Variants in NTRK3 observed in about 807,000 individuals in gnomAD.
The protein encoded by NTRK3 is neurotrophic receptor tyrosine kinase 3.
NTRK3 carries 24 observed loss-of-function variants against 91.7 expected under a neutral mutation model. That is an observed-to-expected ratio of 0.26 (90% CI 0.19 to 0.37). The LOEUF (loss-of-function observed/expected upper bound fraction) is 0.37. Among genes scored for constraint, NTRK3 ranks in the 10% least tolerant of loss-of-function variants. NTRK3 has a pLI of 1.00. For synonymous variants in NTRK3, 483 were observed against 404.0 expected, an observed-to-expected ratio of 1.20 and a Z score of -2.34; for missense variants, 880 against 1,068.9, an observed-to-expected ratio of 0.82 and a Z score of 2.46.
intron 14 of NTRK3, among the ~76,000 whole-genome samples, chr15:87,948,662 T>C (rs1265720410): frequency 6.6e-6 from 1 of 152,158 alleles, no homozygotes; most frequent in Non-Finnish European, 1.5e-5. Context: ...CACTCCAGCC[T>C]GGGCGACAGA....
At chr15:87,911,378 A>G (rs907500864) in intron 17 of NTRK3, among the ~76,000 whole-genome samples, 1 of 152,236 alleles carries the variant, frequency 6.6e-6, no homozygotes, top group Non-Finnish European at 1.5e-5. Flanking sequence ...GGATCTCAGA[A>G]TTAGAGAAAA....
chr15:87,929,589 T>C (rs935872231), intron 16 of NTRK3, among the ~76,000 whole-genome samples, 155 bp from the exon 17 acceptor site: 3 of 152,144 alleles, frequency 2.0e-5, no homozygotes, highest in Non-Finnish European at 4.4e-5. Flanking sequence ...TGCCCCAAAT[T>C]AGATTATGTA....
chr15:88,234,892 G>A lies in NTRK3; in HGVS notation c.248+21014C>T, dbSNP rs1185837904. 2.0e-5 allele frequency among the ~76,000 whole-genome samples: 3 copies of A among 151,916 alleles called. No individual in the cohort carries two copies. Among genetic ancestry groups the A allele is most frequent in the African/African-American group, 7.3e-5 (3 of 41,356 alleles). ...CACCCTACTCAGCCCTGCTCCCAGG[G>A]CCTCCTATCCAGCCCCCGACACACT... On this transcript the variant is annotated intron_variant, in intron 3 of 18. Coordinates refer to ENST00000394480, the Ensembl canonical transcript of NTRK3. The surrounding 1 kb of genome is among the most constrained non-coding windows in gnomAD (Gnocchi z 6.1).
chr15:87,963,200 G>A (rs964997014), intron 14 of NTRK3, among the ~76,000 whole-genome samples: 2 of 152,158 alleles, frequency 1.3e-5, no homozygotes, highest in Non-Finnish European at 2.9e-5. Context: ...GCAATGCAGT[G>A]ACAGACATAC....
intron 14 of NTRK3, among the ~76,000 whole-genome samples, chr15:87,951,848 C>A (rs547975550): frequency 1.3e-5 from 2 of 152,142 alleles, no homozygotes; most frequent in Admixed American, 6.5e-5. Context: ...AAGACTTGGC[C>A]GGGTGTGGTG....
intron 17 of NTRK3, among the ~76,000 whole-genome samples, chr15:87,894,452 G>T (rs903187623): frequency 1.3e-5 from 2 of 152,182 alleles, no homozygotes; most frequent in African/African-American, 4.8e-5. Context: ...CATGTGCATC[G>T]TGTGTACAGT....
At chr15:88,003,011 G>A (rs748280791) in intron 14 of NTRK3, among the ~76,000 whole-genome samples, 14 of 152,210 alleles carry the variant, frequency 9.2e-5, no homozygotes, top group South Asian at 4.1e-4. Context: ...CAAAGGCAGC[G>A]TGCCAGCACA....
At chr15:87,917,580 C>T (rs1435313367) in intron 17 of NTRK3, among the ~76,000 whole-genome samples, 1 of 152,206 alleles carries the variant, frequency 6.6e-6, no homozygotes, top group African/African-American at 2.4e-5. Flanking sequence ...TTGTCACCTC[C>T]AAATCTCATG....
chr15:88,225,879 G>C (rs1040753649), intron 3 of NTRK3, among the ~76,000 whole-genome samples: 3 of 152,192 alleles, frequency 2.0e-5, no homozygotes, highest in African/African-American at 7.2e-5. Flanking sequence ...CCGATAGGCT[G>C]CAGTCAGCAG....
intron 3 of NTRK3, among the ~76,000 whole-genome samples, chr15:88,249,152 G>A (rs1023972802): frequency 1.3e-5 from 2 of 152,116 alleles, no homozygotes; most frequent in Admixed American, 6.5e-5. Flanking sequence ...ACTTATGATG[G>A]GACAAGCCAG....
chr15:88,045,896 C>T lies in NTRK3; in HGVS notation c.1397-12851G>A, dbSNP rs950475794. On this transcript the variant is annotated intron_variant, in intron 13 of 18. Transcript: ENST00000394480. The stretch of plus-strand genomic sequence containing the variant: ...GCCCTCAGTCAAATTAGATCAAGGG[C>T]GCACTCTATTCCTGTATCACTTCAT... Among the ~76,000 whole-genome samples the T allele has an allele frequency of 2.6e-5, 4 of 152,188 alleles. No homozygotes were observed. In the South Asian group the frequency reaches 6.2e-4, roughly 24 times the overall value.
chr15:87,945,851 AC>A (rs1209164234), intron 14 of NTRK3, among the ~76,000 whole-genome samples: 1 of 150,708 alleles, frequency 6.6e-6, no homozygotes. Context: ...TGAAATCCTG[AC>A]CCTCTTACTT....
intron 13 of NTRK3, among the ~76,000 whole-genome samples, chr15:88,061,395 C>T (rs1179550805): frequency 1.3e-5 from 2 of 152,240 alleles, no homozygotes; most frequent in African/African-American, 4.8e-5. Flanking sequence ...CCCCAGTGGT[C>T]AGAAGGGACA....
chr15:88,054,482 T>C (rs1014148075), intron 13 of NTRK3, among the ~76,000 whole-genome samples: 2 of 152,200 alleles, frequency 1.3e-5, no homozygotes, highest in African/African-American at 4.8e-5. Flanking sequence ...CAGGCTCCTT[T>C]ATAGTAGAGA....
At chr15:88,067,230 AT>A (rs984421267) in intron 13 of NTRK3, among the ~76,000 whole-genome samples, 6 of 151,520 alleles carry the variant, frequency 4.0e-5, no homozygotes, top group Non-Finnish European at 7.4e-5. Flanking sequence ...CCCACACGCC[AT>A]TTTTTTTCAC....
chr15:88,073,837 A>C (rs1456816278), intron 13 of NTRK3, among the ~76,000 whole-genome samples: 19 of 149,862 alleles, frequency 1.3e-4, no homozygotes, highest in Admixed American at 1.3e-3. Context: ...ATGGCAAGAC[A>C]GGGGTGTTCA....
At chr15:88,224,247 C>T (rs754609548) in intron 3 of NTRK3, among the ~76,000 whole-genome samples, 5 of 152,190 alleles carry the variant, frequency 3.3e-5, no homozygotes, top group Admixed American at 6.5e-5. Context: ...CAGCCCTGCA[C>T]CAGGCACCAG....
intron 13 of NTRK3, among the ~76,000 whole-genome samples, chr15:88,115,727 A>T (rs1260128116): frequency 2.6e-5 from 4 of 152,112 alleles, no homozygotes; most frequent in Admixed American, 6.5e-5. Flanking sequence ...AGGGCAGGGC[A>T]GGCTTTCAGT....
At chr15:88,089,706 G>C (rs1314754006) in intron 13 of NTRK3, among the ~76,000 whole-genome samples, 2 of 152,144 alleles carry the variant, frequency 1.3e-5, no homozygotes, top group African/African-American at 4.8e-5. Context: ...GTACTCTTGA[G>C]CAGGGCACAA....
Sources: gnomAD v4.1 joint callset for allele counts (sites outside exome capture counted in the v4.1 genomes callset) on GRCh38, gnomAD v4.1.1 for gene constraint, Gnocchi (gnomAD v3.1) non-coding constraint, MANE v1.5 for transcripts, NCBI Gene and HGNC (gene_info 2026-07-23, HGNC 2026-07-21) for gene names.